CDH10: variants seen among roughly 807,000 people sequenced by gnomAD.
CDH10 encodes the protein cadherin 10.
In CDH10, 30 loss-of-function variants were observed where a neutral mutation model predicts 73.1. The observed-to-expected ratio is 0.41, with a 90% CI of 0.31 to 0.56. The LOEUF is 0.56. Among genes scored for constraint, CDH10 ranks in the 20% least tolerant of loss-of-function variants. CDH10 has a pLI of 0.27. For missense variants in CDH10, 815 were observed against 973.7 expected, an observed-to-expected ratio of 0.84 and a Z score of 2.17; for synonymous variants, 345 against 348.2, an observed-to-expected ratio of 0.99 and a Z score of 0.10.
chr5:24,529,632 C>T (rs376009665), intron 5 of CDH10, among the ~76,000 whole-genome samples: 1 of 151,932 alleles, frequency 6.6e-6, no homozygotes, highest in East Asian at 1.9e-4. Context: ...TAATAAATAT[C>T]ATATCAAATC....
chr5:24,520,661 T>G (rs1743287991), intron 5 of CDH10, among the ~76,000 whole-genome samples: 1 of 152,214 alleles, frequency 6.6e-6, no homozygotes, highest in Non-Finnish European at 1.5e-5. Flanking sequence ...TTATAGTCTT[T>G]TGTATTTATT....
intron 1 of CDH10, among the ~76,000 whole-genome samples, chr5:24,621,039 G>C (rs1466119764): frequency 6.6e-6 from 1 of 152,176 alleles, no homozygotes; most frequent in African/African-American, 2.4e-5. Flanking sequence ...ATATCTGCCA[G>C]CATGCAGCAA....
At chr5:24,539,633 G>T (rs1385744401) in intron 2 of CDH10, among the ~76,000 whole-genome samples, 3 of 151,992 alleles carry the variant, frequency 2.0e-5, no homozygotes, top group Non-Finnish European at 4.4e-5. Flanking sequence ...AAAAGATAAA[G>T]AAGTCAGGTA....
chr5:24,595,441 G>A (rs972799746), intron 1 of CDH10, among the ~76,000 whole-genome samples: 6 of 151,956 alleles, frequency 3.9e-5, no homozygotes, highest in Middle Eastern at 3.4e-3. Flanking sequence ...GCCTGAAGAC[G>A]TACAGCATGA....
At chr5:24,644,126 G>C (rs1297121537) in intron 1 of CDH10, among the ~76,000 whole-genome samples, 1 of 152,060 alleles carries the variant, frequency 6.6e-6, no homozygotes, top group East Asian at 1.9e-4. Flanking sequence ...TATATTGAAC[G>C]TACAATGAAC....
chr5:24,521,527 G>T (rs10062372), intron 5 of CDH10, among the ~76,000 whole-genome samples: 6 of 151,936 alleles, frequency 3.9e-5, no homozygotes, highest in Non-Finnish European at 8.8e-5. Context: ...GAAGAGAATC[G>T]CTTGAACCTG....
intron 2 of CDH10, among the ~76,000 whole-genome samples, chr5:24,590,678 T>C (rs1355391329): frequency 6.6e-5 from 10 of 152,064 alleles, no homozygotes; most frequent in Admixed American, 3.3e-4. Flanking sequence ...TCCTAGGGTC[T>C]GGTTAGCTAA....
intron 1 of CDH10, among the ~76,000 whole-genome samples, chr5:24,606,558 C>G (rs935276300): frequency 1.3e-5 from 2 of 151,912 alleles, no homozygotes; most frequent in African/African-American, 2.4e-5. Context: ...TTGCAGTGAG[C>G]CGAGATCACA....
At chr5:24,501,404 T>G (rs1481407937) in intron 8 of CDH10, among the ~76,000 whole-genome samples, 1 of 152,038 alleles carries the variant, frequency 6.6e-6, no homozygotes, top group African/African-American at 2.4e-5. Context: ...CTTACACTAA[T>G]TTTTTGGCTG....
At position 24,509,800 on chromosome 5, in the gene CDH10, C is replaced by T. The variant is rs1339884733; in HGVS notation, c.1022G>A (p.Arg341Gln). The T allele has an allele frequency of 8.1e-6, 13 of 1,609,360 alleles. No homozygotes were observed. Among genetic ancestry groups the T allele is most frequent in the Middle Eastern group, 1.7e-4 (1 of 6,056 alleles). ...TTCGACTTTCAGAGTATAAAGTCTT[C>T]GGCTCTCATAGTCGAGTGGCTGTAT... ...TVKKPLDYES[R>Q]RLYTLKVEAE... Residue 341 changes from arginine to glutamine, a missense_variant, in exon 7 of 12, where the codon CGA becomes CAA. By Grantham distance (43) the Arg-to-Gln change is conservative (BLOSUM62 1). Coordinates refer to ENST00000264463, the MANE Select transcript of CDH10 (RefSeq NM_006727.5).
At chr5:24,635,625 G>A (rs1268922803) in intron 1 of CDH10, among the ~76,000 whole-genome samples, 3 of 149,910 alleles carry the variant, frequency 2.0e-5, no homozygotes, top group Admixed American at 6.7e-5. Flanking sequence ...TACAAAATTC[G>A]TATCCATCAA....
intron 1 of CDH10, among the ~76,000 whole-genome samples, chr5:24,640,590 A>G (rs1748016672): frequency 6.6e-6 from 1 of 151,700 alleles, no homozygotes. Flanking sequence ...AAGTGCTTAT[A>G]ATGTTTCTGA....
In CDH10 at chr5:24,504,814, G is replaced by A. The variant is rs140750284; in HGVS notation, c.1393+298C>T. On this transcript the variant is annotated intron_variant, in intron 8 of 11. Transcript: ENST00000264463. Reference sequence around the variant, plus strand: ...GCTGGGATTACAGGCGTGAGCCACCGTGCCCGGCCTGTTAATCTGTTTCAT... The same window carrying A: ...GCTGGGATTACAGGCGTGAGCCACCATGCCCGGCCTGTTAATCTGTTTCAT... Among the ~76,000 whole-genome samples, 595 of 151,932 alleles carry A rather than the reference G, an allele frequency of 3.9e-3. 2 individuals are homozygous for A. The highest frequency in any genetic ancestry group is 5.9e-3 in the Admixed American group (90 of 15,268).
intron 2 of CDH10, among the ~76,000 whole-genome samples, chr5:24,539,819 A>G (rs1226299300): frequency 3.3e-5 from 5 of 152,112 alleles, no homozygotes; most frequent in African/African-American, 4.8e-5. Context: ...CTGAAAATGT[A>G]CATAGTTGCT....
chr5:24,506,162 G>A (rs920504777), intron 7 of CDH10, among the ~76,000 whole-genome samples: 2 of 150,522 alleles, frequency 1.3e-5, no homozygotes, highest in East Asian at 1.9e-4. Flanking sequence ...TGGGATAAGA[G>A]TTTTTAATAT....
chr5:24,556,377 A>G (rs929613811), intron 2 of CDH10, among the ~76,000 whole-genome samples: 19 of 152,112 alleles, frequency 1.2e-4, no homozygotes, highest in Non-Finnish European at 2.6e-4. Flanking sequence ...CTGATTCAAA[A>G]TGAATTGTAG....
chr5:24,589,398 A>G (rs1198289751), intron 2 of CDH10, among the ~76,000 whole-genome samples: 1 of 152,180 alleles, frequency 6.6e-6, no homozygotes, highest in Non-Finnish European at 1.5e-5. Flanking sequence ...AGAAGCCATG[A>G]AGAAATAAAA....
intron 11 of CDH10, among the ~76,000 whole-genome samples, chr5:24,489,257 AT>A (rs1417548688): frequency 6.6e-6 from 1 of 152,140 alleles, no homozygotes; most frequent in East Asian, 1.9e-4. Context: ...ATGAAGGGAT[AT>A]TAAGTTATGT....
chr5:24,596,499 G>T (rs1375945230), intron 1 of CDH10, among the ~76,000 whole-genome samples: 1 of 151,758 alleles, frequency 6.6e-6, no homozygotes, highest in East Asian at 1.9e-4. Context: ...ATCCTACAGG[G>T]TGTTAGCTAA....
Sources: gnomAD v4.1 joint callset for allele counts (sites outside exome capture counted in the v4.1 genomes callset) on GRCh38, gnomAD v4.1.1 for gene constraint, MANE v1.5 for transcripts, NCBI Gene and HGNC (gene_info 2026-07-23, HGNC 2026-07-21) for gene names.